The following SNTB2 variants were observed in gnomAD, a reference collection of about 807,000 sequenced individuals.
The protein encoded by SNTB2 is beta-2-syntrophin.
Under a neutral mutation model 46.2 loss-of-function variants are expected in SNTB2, and 34 were observed. That is an observed-to-expected ratio of 0.74 (90% confidence interval 0.56 to 0.98). The LOEUF is 0.98. SNTB2 is among the 50% of genes least tolerant of loss of function. The pLI is 0.00. For synonymous variants in SNTB2, 290 were observed against 312.6 expected (o/e 0.93, Z 0.76); for missense variants, 603 against 731.4 (o/e 0.82, Z 2.02).
At chr16:69,218,020 G>A (rs1257758584) in intron 1 of SNTB2, among the ~76,000 whole-genome samples, 1 of 152,064 alleles carries the variant, frequency 6.6e-6, no homozygotes, top group South Asian at 2.1e-4. Context: ...AATACACTTG[G>A]AGTTAATAGT....
At chr16:69,212,104 C>G (rs1964294232) in intron 1 of SNTB2, among the ~76,000 whole-genome samples, 1 of 152,156 alleles carries the variant, frequency 6.6e-6, no homozygotes, top group Non-Finnish European at 1.5e-5. Flanking sequence ...ACCCTACACT[C>G]TAGCCTTTCC....
intron 1 of SNTB2, among the ~76,000 whole-genome samples, chr16:69,240,156 A>ATTATTAT (rs1964597204): frequency 6.6e-6 from 1 of 152,172 alleles, no homozygotes; most frequent in South Asian, 2.1e-4. Context: ...TATTAATTAC[A>ATTATTAT]TTATTATTTT....
At chr16:69,234,788 C>T (rs562329791) in intron 1 of SNTB2, among the ~76,000 whole-genome samples, 4 of 151,752 alleles carry the variant, frequency 2.6e-5, no homozygotes, top group African/African-American at 4.8e-5. Context: ...CTGCATCTTC[C>T]ACCTCCCAGG....
intron 1 of SNTB2, among the ~76,000 whole-genome samples, chr16:69,232,208 CTTTTTTT>C (rs34688718): frequency 4.4e-5 from 6 of 136,594 alleles, no homozygotes; most frequent in Non-Finnish European, 9.5e-5. Context: ...TTTCTTTTTT[CTTTTTTT>C]TTTTTTTTGA....
chr16:69,193,446 G>A (rs562191157), intron 1 of SNTB2, among the ~76,000 whole-genome samples: 2 of 147,620 alleles, frequency 1.4e-5, no homozygotes, highest in African/African-American at 5.0e-5. Flanking sequence ...CTCCTGCCTC[G>A]GCCTCCCAAG....
intron 1 of SNTB2, among the ~76,000 whole-genome samples, chr16:69,193,702 A>G (rs1389127080): frequency 6.6e-6 from 1 of 152,226 alleles, no homozygotes; most frequent in African/African-American, 2.4e-5. Context: ...CACATGCCTT[A>G]TTCAAGGCTC....
intron 1 of SNTB2, among the ~76,000 whole-genome samples, chr16:69,192,253 C>T (rs1964062479): frequency 6.6e-6 from 1 of 152,158 alleles, no homozygotes; most frequent in Non-Finnish European, 1.5e-5. Context: ...GAGGAGGATT[C>T]AATTCAAGAG....
intron 1 of SNTB2, among the ~76,000 whole-genome samples, chr16:69,188,019 G>A (rs1964011779): frequency 6.6e-6 from 1 of 152,082 alleles, no homozygotes; most frequent in South Asian, 2.1e-4. Flanking sequence ...CCGATAAGCT[G>A]ACACTAAGAA....
intron 1 of SNTB2, among the ~76,000 whole-genome samples, chr16:69,229,411 C>T (rs1964485751): frequency 6.6e-6 from 1 of 151,232 alleles, no homozygotes; most frequent in Non-Finnish European, 1.5e-5. Context: ...CTCAAGTGAT[C>T]CACCCTCCTT....
At position 69,300,955 on chromosome 16, in the gene SNTB2, G is replaced by C; in HGVS notation, c.*31G>C. On this transcript the variant is annotated 3_prime_UTR_variant, in exon 7 of 7. Coordinates refer to ENST00000336278, the MANE Select transcript of SNTB2 (RefSeq NM_006750.4). The stretch of plus-strand genomic sequence containing the variant: ...AAAAAATCAGAAAAGAGCCTTGACT[G>C]TCACAAGAAATATTTCCACCTCAAA... 2 of 1,337,798 alleles carry C rather than the reference G, an allele frequency of 1.5e-6. No individual in the cohort carries two copies. The highest frequency in any genetic ancestry group is 2.1e-6 in the Non-Finnish European group (2 of 938,114). The allele number at this position is 1,337,798 out of a possible 1,614,324, so 82.9% of individuals were successfully genotyped here. A position where few individuals can be genotyped will look rare whatever the true frequency, so the allele number is the denominator to read the frequency against.
chr16:69,231,302 G>A (rs1259677066), intron 1 of SNTB2, among the ~76,000 whole-genome samples: 3 of 152,080 alleles, frequency 2.0e-5, no homozygotes, highest in South Asian at 4.1e-4. Flanking sequence ...TAAAAAAGAT[G>A]TGGCCCGCGG....
intron 2 of SNTB2, among the ~76,000 whole-genome samples, chr16:69,253,549 T>A (rs1250165969): frequency 1.3e-5 from 2 of 151,994 alleles, no homozygotes; most frequent in African/African-American, 4.8e-5. Context: ...CTCGGGAGGC[T>A]GAGGCAGGAG....
chr16:69,292,381 ATATATATATTATATATATATAT>A (rs1567416352), intron 5 of SNTB2, among the ~76,000 whole-genome samples: 1 of 21,248 alleles, frequency 4.7e-5, no homozygotes, highest in Non-Finnish European at 7.9e-5. Context: ...TATATATATT[ATATATATATTATATATATATAT>A]ATATTATATA....
chr16:69,191,618 A>C (rs1398696396), intron 1 of SNTB2, among the ~76,000 whole-genome samples: 2 of 147,948 alleles, frequency 1.4e-5, no homozygotes, highest in Non-Finnish European at 3.0e-5. Flanking sequence ...TGTCCAAGAA[A>C]GGTTTTATTT....
chr16:69,205,015 T>C (rs1355805538), intron 1 of SNTB2, among the ~76,000 whole-genome samples: 1 of 152,202 alleles, frequency 6.6e-6, no homozygotes, highest in Non-Finnish European at 1.5e-5. Context: ...TGGCTGTGTA[T>C]GCAGAGTAGA....
At chr16:69,223,383 C>T (rs1052538289) in intron 1 of SNTB2, among the ~76,000 whole-genome samples, 2 of 151,134 alleles carry the variant, frequency 1.3e-5, no homozygotes, top group African/African-American at 4.9e-5. Context: ...TTAGTGGAGT[C>T]AAGGTTTCGC....
intron 1 of SNTB2, among the ~76,000 whole-genome samples, chr16:69,209,124 A>G (rs1017712521): frequency 1.3e-5 from 2 of 152,052 alleles, no homozygotes; most frequent in Non-Finnish European, 2.9e-5. Flanking sequence ...GGTGCCTGCC[A>G]CCACACCCGG....
chr16:69,203,654 A>G (rs1274173378), intron 1 of SNTB2, among the ~76,000 whole-genome samples: 3 of 152,100 alleles, frequency 2.0e-5, no homozygotes, highest in African/African-American at 7.2e-5. Context: ...ATTTTTACAG[A>G]TAGTATTAAC....
Position 69,187,753 on chromosome 16 carries a change from G to A in SNTB2, c.580+7G>A. 7.0e-7 allele frequency: 1 copy of A among 1,432,552 alleles called. No homozygotes were observed. Among genetic ancestry groups the A allele is most frequent in the Non-Finnish European group, 9.1e-7 (1 of 1,099,460 alleles). 88.7% of individuals were successfully genotyped at this position (1,432,552 alleles called of 1,614,324 possible). ...AAGGAGGTGCTGCTGGAGGGTGAGC[G>A]GGGCCGGGCGGGAGGGTGGGCAGGC... On this transcript the variant is annotated splice_region_variant and intron_variant, in intron 1 of 6. Coordinates refer to ENST00000336278, the MANE Select transcript of SNTB2 (RefSeq NM_006750.4).
Sources: allele counts gnomAD v4.1 joint callset (sites outside exome capture counted in the v4.1 genomes callset), GRCh38; gene constraint gnomAD v4.1.1; transcripts MANE v1.5; gene names NCBI Gene and HGNC (gene_info 2026-07-23, HGNC 2026-07-21).